Variants in C11orf16 observed in about 807,000 individuals in gnomAD.
C11orf16 encodes chromosome 11 open reading frame 16.
A neutral mutation model predicts 45.1 loss-of-function variants in C11orf16; 38 were observed. The ratio of observed to expected loss-of-function variants is 0.84; its 90% CI spans 0.65 to 1.10. The LOEUF (loss-of-function observed/expected upper bound fraction) is 1.10, where lower values mean the gene tolerates loss of function less well. C11orf16 is among the 50% of genes least tolerant of loss of function. C11orf16 has a pLI of 0.00. For missense variants in C11orf16, 583 were observed against 569.5 expected, an observed-to-expected ratio of 1.02 and a Z score of -0.24; for synonymous variants, 221 against 222.0, an observed-to-expected ratio of 1.00 and a Z score of 0.04.
At chr11:8,929,130 C>T (rs1041853422) in intron 3 of C11orf16, 3 of 424,092 alleles carry the variant, frequency 7.1e-6, no homozygotes, top group Admixed American at 8.2e-5. Context: ...CCTGGACTTC[C>T]AGCCTCCAGA....
At chr11:8,920,501 A>G (rs2064563332) in intron 6 of C11orf16, 51 bp from the exon 7 acceptor site, 22 of 638,300 alleles carry the variant, frequency 3.4e-5, no homozygotes, top group South Asian at 2.5e-4. Context: ...TGCAATTTTA[A>G]GAATCAAAAG....
intron 4 of C11orf16, 51 bp from the exon 5 acceptor site, chr11:8,926,158 T>TTTTTTTC: frequency 1.4e-6 from 2 of 1,444,278 alleles, no homozygotes; most frequent in Non-Finnish European, 9.3e-7. Context: ...ATTATCTCCT[T>TTTTTTTC]TTTTTTCTTT....
At chr11:8,928,605 A>G (rs2064630593) in intron 3 of C11orf16, among the ~76,000 whole-genome samples, 1 of 152,112 alleles carries the variant, frequency 6.6e-6, no homozygotes, top group Non-Finnish European at 1.5e-5. Flanking sequence ...GGCTCAAGTG[A>G]TCTTCCTGCC....
At chr11:8,926,875 C>T in intron 4 of C11orf16, 65 bp downstream of exon 4, 3 of 1,342,322 alleles carry the variant, frequency 2.2e-6, no homozygotes, top group South Asian at 2.4e-5. Context: ...CCTTGGCTCT[C>T]TCCTCTGGCC....
intron 5 of C11orf16, among the ~76,000 whole-genome samples, chr11:8,924,157 GCTT>G (rs1462942555): frequency 6.6e-6 from 1 of 152,082 alleles, no homozygotes; most frequent in African/African-American, 2.4e-5. Flanking sequence ...CACCAGGAAA[GCTT>G]CTCATTACAA....
chr11:8,931,053 T>C (rs2064646593), intron 2 of C11orf16, among the ~76,000 whole-genome samples: 1 of 152,170 alleles, frequency 6.6e-6, no homozygotes, highest in Non-Finnish European at 1.5e-5. Flanking sequence ...TATATAGGGC[T>C]GTGGTGCCTT....
intron 3 of C11orf16, chr11:8,927,382 ATC>A (rs1313873992): frequency 3.2e-5 from 19 of 590,012 alleles, no homozygotes; most frequent in Non-Finnish European, 5.5e-5. Context: ...GCTCCCCTGA[ATC>A]TCTTCCTGCC....
rs780490733 is a variant in C11orf16, at chr11:8,926,918, GGGTCAGAGCA to G, written c.559+12_559+21del. The G allele has an allele frequency of 8.2e-6, 13 of 1,587,420 alleles. No individual in the cohort carries two copies. The highest frequency in any genetic ancestry group is 5.5e-5 in the South Asian group (5 of 90,438). ...AGCCTGGCTCCTTCTGGGCACTGAT[GGGTCAGAGCA>G]GCTTCTCTTACCTCTCTGGGGATCT... is the stretch of plus-strand genomic sequence containing the variant. On this transcript the variant is annotated intron_variant, in intron 4 of 6. Coordinates refer to ENST00000326053, the MANE Select transcript of C11orf16 (RefSeq NM_020643.3).
At position 8,925,565 on chromosome 11, in the gene C11orf16, C is replaced by G; in HGVS notation, c.1102G>C (p.Asp368His). The part of the protein sequence containing the change: ...RLMVNSAVNT[D>H]PIFLEMPLRQ... ...AGAGGCATCTCAAGAAAGATGGGAT[C>G]TGTGTTGACTGCACTGTTCACCATC... Residue 368 changes from aspartate (D) to histidine (H), a missense_variant, in exon 5 of 7, where the codon GAT becomes CAT. Transcript: ENST00000326053. 1 of 1,614,282 alleles carries G rather than the reference C, an allele frequency of 6.2e-7. No individual in the cohort carries two copies. Among genetic ancestry groups the G allele is most frequent in the Non-Finnish European group, 8.5e-7 (1 of 1,180,052 alleles).
At chr11:8,927,405 C>A in intron 3 of C11orf16, 2 of 574,788 alleles carry the variant, frequency 3.5e-6, no homozygotes, top group Non-Finnish European at 6.3e-6. Flanking sequence ...TCGGGCAACT[C>A]TTGTGGATCA....
At chr11:8,929,622 A>G in intron 2 of C11orf16, 89 bp from the exon 3 acceptor site, 1 of 1,208,756 alleles carries the variant, frequency 8.3e-7, no homozygotes, top group Non-Finnish European at 1.1e-6. Flanking sequence ...TCTGAGGTAC[A>G]CCACAGCACA....
chr11:8,928,818 G>C (rs2064631774), intron 3 of C11orf16: 1 of 152,650 alleles, frequency 6.6e-6, no homozygotes, highest in Non-Finnish European at 1.5e-5. Context: ...AAATTCATAT[G>C]TTGAAGTCCT....
Position 8,925,983 on chromosome 11 carries a change from A to G in C11orf16, c.684T>C (p.Ser228=), listed in dbSNP as rs573356241. The change falls in exon 5 of 7, where the codon TCT becomes TCC. Residue 228 remains serine (S), a synonymous_variant. Transcript: ENST00000326053. ...GGGGCCTGGGGTGCTCCCTGGTGAA[A>G]GACTTGTGCAGCCTCTCCACAGCCT... The part of the protein sequence containing the change: ...WKKAVERLHK[S]FTREHPRPLH... 28 of 1,614,102 alleles carry G rather than the reference A, an allele frequency of 1.7e-5. No homozygotes were observed. In the African/African-American group the frequency reaches 3.2e-4, roughly 18 times the overall value.
chr11:8,929,250 C>T (rs1016618048), intron 3 of C11orf16, 127 bp downstream of exon 3: 78 of 977,130 alleles, frequency 8.0e-5, no homozygotes, highest in Non-Finnish European at 1.1e-4. Context: ...ACTTCTACAA[C>T]ATGGCCATGG....
In C11orf16 at chr11:8,926,946, G is replaced by T. The variant is rs201394460; in HGVS notation, c.553C>A (p.Gln185Lys). Residue 185 changes from glutamine (Q) to lysine (K), a missense_variant, in exon 4 of 7, where the codon CAG (glutamine) becomes AAG (lysine). Coordinates refer to ENST00000326053, the MANE Select transcript of C11orf16 (RefSeq NM_020643.3). ...VLLGLEMRDP[Q>K]RASKEKEITV... ...TCAGAGCAGCTTCTCTTACCTCTCT[G>T]GGGATCTCTCATCTCCAAGCCCAAA... The T allele has an allele frequency of 6.2e-7, 1 of 1,612,864 alleles. No individual in the cohort carries two copies. Among genetic ancestry groups the T allele is most frequent in the Admixed American group, 1.7e-5 (1 of 60,000 alleles).
intron 5 of C11orf16, 53 bp from the exon 6 acceptor site, chr11:8,921,568 T>A (rs1440054747): frequency 6.9e-7 from 1 of 1,455,754 alleles, no homozygotes; most frequent in Non-Finnish European, 9.6e-7. Context: ...TTTGATGGCA[T>A]AAGTAGAACT....
intron 6 of C11orf16, 34 bp from the exon 7 acceptor site, chr11:8,920,484 T>C (rs764292362): frequency 4.6e-6 from 3 of 649,842 alleles, no homozygotes; most frequent in South Asian, 3.4e-5. Context: ...TACATTGTTA[T>C]GCTGACTGCA....
intron 2 of C11orf16, among the ~76,000 whole-genome samples, chr11:8,930,122 AAAAAG>A (rs1377974499): frequency 1.8e-4 from 27 of 150,736 alleles, no homozygotes; most frequent in South Asian, 8.4e-4. Context: ...CCCTATCAAA[AAAAAG>A]AAAAGAAAAG....
At position 8,925,469 on chromosome 11, in the gene C11orf16, TC is replaced by T. The variant is rs1428376275; in HGVS notation, c.1197del (p.Lys400SerfsTer25). 19 of 1,611,230 alleles carry T rather than the reference TC, an allele frequency of 1.2e-5. No individual in the cohort carries two copies. Among genetic ancestry groups the T allele is most frequent in the Non-Finnish European group, 1.5e-5 (18 of 1,178,074 alleles). On this transcript the variant is annotated frameshift_variant, in exon 5 of 7. Transcript: ENST00000326053. LOFTEE classifies it high-confidence loss of function. The part of the protein sequence containing the change: ...WKRNGPEPCL[G>X]KPGTRYSNIC... Reference sequence around the variant, plus strand: ...GCCCACTCCCCTGGTATACCTGGCTTCCCAAGGCATGGCTCAGGCCCGTTTC... The same window carrying T: ...GCCCACTCCCCTGGTATACCTGGCTTCCAAGGCATGGCTCAGGCCCGTTTC...
Sources: allele counts gnomAD v4.1 joint callset (sites outside exome capture counted in the v4.1 genomes callset), GRCh38; gene constraint gnomAD v4.1.1; transcripts MANE v1.5; gene names NCBI Gene and HGNC (gene_info 2026-07-23, HGNC 2026-07-21).